CAPN3: variants seen among roughly 807,000 people sequenced by gnomAD.
CAPN3 encodes the protein calpain 3.
CAPN3 carries 88 observed loss-of-function variants against 114.0 expected under a neutral mutation model. The observed-to-expected ratio is 0.77, with a 90% CI of 0.65 to 0.92. CAPN3 has a LOEUF of 0.92. Among genes scored for constraint, CAPN3 ranks in the 40% least tolerant of loss-of-function variants. The probability of loss-of-function intolerance (pLI) is 0.00; values close to 1 mark genes in which losing one functional copy is unlikely to be tolerated. For missense variants in CAPN3, 1,028 were observed against 1,069.0 expected, an observed-to-expected ratio of 0.96 and a Z score of 0.53; for synonymous variants, 386 against 382.9, an observed-to-expected ratio of 1.01 and a Z score of -0.09.
chr15:42,409,918 T>A lies in CAPN3; in HGVS notation c.2051-13T>A. ...GTCTCAAAGCAGCTCCTCACTCTTC[T>A]CCATCCCCCCAGACAAGGACCTGAA... On this transcript the variant is annotated splice_polypyrimidine_tract_variant and intron_variant, in intron 18 of 23. Transcript: ENST00000397163. 1.2e-6 allele frequency: 2 copies of A among 1,612,608 alleles called. No homozygotes were observed. Among genetic ancestry groups the A allele is most frequent in the Admixed American group, 3.3e-5 (2 of 59,998 alleles).
At chr15:42,385,810 G>A in intron 2 of CAPN3, 1 of 541,362 alleles carries the variant, frequency 1.8e-6, no homozygotes, top group Non-Finnish European at 3.6e-6. Flanking sequence ...CACAGGGCAG[G>A]GCAGATTTCC....
At chr15:42,360,265 G>C in intron 1 of CAPN3, 151 bp downstream of exon 1, 1 of 874,752 alleles carries the variant, frequency 1.1e-6, no homozygotes, top group Non-Finnish European at 1.9e-6. Flanking sequence ...GTGAAGCAGG[G>C]AGGAGAGGAA....
intron 16 of CAPN3, chr15:42,409,053 G>A (rs536861649): frequency 1.1e-5 from 6 of 543,946 alleles, no homozygotes; most frequent in South Asian, 1.0e-4. Context: ...GGACTGGGGT[G>A]GCGGGGAGGA....
At chr15:42,411,040 G>A in intron 22 of CAPN3, 40 bp downstream of exon 22, 3 of 1,471,980 alleles carry the variant, frequency 2.0e-6, no homozygotes, top group Non-Finnish European at 2.9e-6. Context: ...TCTCTTGCAG[G>A]GGCAGTTGTG....
Position 42,401,783 on chromosome 15 carries a change from C to T in CAPN3, c.1497C>T (p.Leu499=), listed in dbSNP as rs766031758. ...RRKDRKLGAS[L]FTIGFAIYEV... is the part of the protein sequence containing the mutation. ...AGGACCGGAAGCTAGGGGCCAGTCT[C>T]TTCACCATTGGCTTCGCCATCTACG... The change falls in exon 11 of 24, where the codon CTC becomes CTT. Residue 499 remains leucine, a synonymous_variant. Coordinates refer to ENST00000397163, the MANE Select transcript of CAPN3 (RefSeq NM_000070.3). 2.5e-6 allele frequency: 4 copies of T among 1,613,882 alleles called. No homozygotes were observed. The highest frequency in any genetic ancestry group is 1.7e-5 in the Admixed American group (1 of 59,978).
At position 42,410,879 on chromosome 15, in the gene CAPN3, C is replaced by G. The variant is rs1158597580; in HGVS notation, c.2264-5C>G. 7 of 1,610,752 alleles carry G rather than the reference C, an allele frequency of 4.3e-6. No individual in the cohort carries two copies. The highest frequency in any genetic ancestry group is 5.9e-6 in the Non-Finnish European group (7 of 1,176,876). ...CGTCCACCTCTAACATGGTCCCCTC[C>G]ACAGGATTCCACCTCAACAACCAGC... is the stretch of plus-strand genomic sequence containing the variant. On this transcript the variant is annotated splice_polypyrimidine_tract_variant and splice_region_variant and intron_variant, in intron 21 of 23. Transcript: ENST00000397163.
At chr15:42,363,973 A>G (rs1323732437) in intron 1 of CAPN3, among the ~76,000 whole-genome samples, 1 of 152,216 alleles carries the variant, frequency 6.6e-6, no homozygotes, top group Admixed American at 6.5e-5. Flanking sequence ...TAAACAATAA[A>G]TGTGGGATTT....
In CAPN3 at chr15:42,359,694, T is replaced by C; in HGVS notation, c.-112T>C. ...AACTTTGAACTGGATGTGGACACTT[T>C]TCTCTCAGATGACAGAATTACTCCA... is the stretch of plus-strand genomic sequence containing the variant. On this transcript the variant is annotated 5_prime_UTR_variant, in exon 1 of 24. Coordinates refer to ENST00000397163, the MANE Select transcript of CAPN3 (RefSeq NM_000070.3). 2 of 1,578,310 alleles carry C rather than the reference T, an allele frequency of 1.3e-6. No homozygotes were observed. The highest frequency in any genetic ancestry group is 1.2e-5 in the South Asian group (1 of 84,856).
In CAPN3 at chr15:42,412,317, C is replaced by A; in HGVS notation, c.*544C>A. 1 of 796,014 alleles carries A rather than the reference C, an allele frequency of 1.3e-6. No homozygotes were observed. Among genetic ancestry groups the A allele is most frequent in the East Asian group, 2.7e-5 (1 of 36,876 alleles). 49.3% of individuals were successfully genotyped at this position (796,014 alleles called of 1,614,324 possible). On this transcript the variant is annotated 3_prime_UTR_variant, in exon 24 of 24. Transcript: ENST00000397163. Reference sequence around the variant, plus strand: ...AAATAAAGGCATGTGTATGGCTGGTCCCCTTGTGTTTTGTTGTCTCACATT... The same window carrying A: ...AAATAAAGGCATGTGTATGGCTGGTACCCTTGTGTTTTGTTGTCTCACATT...
chr15:42,370,847 G>A (rs1351391917), intron 1 of CAPN3, among the ~76,000 whole-genome samples: 1 of 152,092 alleles, frequency 6.6e-6, no homozygotes, highest in Admixed American at 6.5e-5. Flanking sequence ...GGCAGCAAAG[G>A]GTAGGAGCAT....
intron 1 of CAPN3, among the ~76,000 whole-genome samples, chr15:42,366,577 C>T (rs1365195701): frequency 6.6e-6 from 1 of 152,074 alleles, no homozygotes; most frequent in Non-Finnish European, 1.5e-5. Flanking sequence ...TCGAGGAAAA[C>T]CTGTAAGAAA....
chr15:42,365,923 C>G (rs1327566606), intron 1 of CAPN3, among the ~76,000 whole-genome samples: 1 of 152,154 alleles, frequency 6.6e-6, no homozygotes, highest in African/African-American at 2.4e-5. Context: ...ACACAGAAAT[C>G]TCTTGAATTA....
intron 2 of CAPN3, chr15:42,385,863 C>T (rs758845496): frequency 3.3e-6 from 2 of 604,606 alleles, no homozygotes; most frequent in Non-Finnish European, 6.3e-6. Flanking sequence ...TCACCTACTG[C>T]TCTGTCTCCA....
intron 14 of CAPN3, chr15:42,404,791 C>A: frequency 2.8e-6 from 3 of 1,083,856 alleles, no homozygotes; most frequent in Non-Finnish European, 3.4e-6. Context: ...TAATCCTGAC[C>A]CTGAGCCAGT....
intron 23 of CAPN3, 87 bp from the exon 24 acceptor site, chr15:42,411,660 T>G: frequency 1.6e-6 from 1 of 615,618 alleles, no homozygotes; most frequent in Non-Finnish European, 2.9e-6. Context: ...ACTGTTCCCT[T>G]TCCTCTTGCC....
At chr15:42,386,989 C>T (rs752018688) in intron 3 of CAPN3, among the ~76,000 whole-genome samples, 3 of 152,074 alleles carry the variant, frequency 2.0e-5, no homozygotes, top group South Asian at 4.1e-4. Flanking sequence ...TCTTGCTCCC[C>T]GGGTCTTGCA....
intron 1 of CAPN3, among the ~76,000 whole-genome samples, chr15:42,381,667 G>C (rs961240723): frequency 6.6e-6 from 1 of 152,092 alleles, no homozygotes; most frequent in Non-Finnish European, 1.5e-5. Flanking sequence ...AGCCTCCCGA[G>C]TAGCTGGGAC....
At chr15:42,363,451 G>A (rs940162206) in intron 1 of CAPN3, among the ~76,000 whole-genome samples, 1 of 152,134 alleles carries the variant, frequency 6.6e-6, no homozygotes, top group African/African-American at 2.4e-5. Flanking sequence ...TCCATGGGGT[G>A]GAAGGTTCAA....
intron 10 of CAPN3, among the ~76,000 whole-genome samples, chr15:42,400,943 C>T (rs2053845525): frequency 6.6e-6 from 1 of 152,134 alleles, no homozygotes; most frequent in Admixed American, 6.5e-5. Flanking sequence ...CCTGTAATCC[C>T]AGCACTTTGG....
Sources: allele counts gnomAD v4.1 joint callset (sites outside exome capture counted in the v4.1 genomes callset), GRCh38; gene constraint gnomAD v4.1.1; transcripts MANE v1.5; gene names NCBI Gene and HGNC (gene_info 2026-07-23, HGNC 2026-07-21).